LDAH: variants seen among roughly 807,000 people sequenced by gnomAD.
The protein encoded by LDAH is lipid droplet associated hydrolase.
Under a neutral mutation model 29.6 loss-of-function variants are expected in LDAH, and 26 were observed. The observed-to-expected ratio is 0.88, with a 90% CI of 0.64 to 1.22. The LOEUF is 1.22. LDAH is among the 50% of genes most tolerant of loss of function. LDAH has a pLI of 0.00. For missense variants in LDAH, 344 were observed against 387.3 expected (o/e 0.89, Z 0.94); for synonymous variants, 117 against 133.0 (o/e 0.88, Z 0.83).
chr2:20,766,559 C>A (rs1249800163), intron 4 of LDAH, among the ~76,000 whole-genome samples: 1 of 152,198 alleles, frequency 6.6e-6, no homozygotes, highest in South Asian at 2.1e-4. Flanking sequence ...AGAAACAAAC[C>A]TTTGTTGTTA....
intron 1 of LDAH, among the ~76,000 whole-genome samples, chr2:20,812,095 G>A (rs1400136811): frequency 6.6e-6 from 1 of 152,092 alleles, no homozygotes; most frequent in African/African-American, 2.4e-5. Flanking sequence ...TTTAGTGGGA[G>A]GAAAGGAAGC....
chr2:20,782,201 A>G (rs892371246), intron 3 of LDAH, among the ~76,000 whole-genome samples: 1 of 152,124 alleles, frequency 6.6e-6, no homozygotes, highest in African/African-American at 2.4e-5. Context: ...AGATCTACTA[A>G]ATCAACAACT....
At chr2:20,734,086 C>A (rs1558424209) in intron 5 of LDAH, among the ~76,000 whole-genome samples, 2 of 152,140 alleles carry the variant, frequency 1.3e-5, no homozygotes, top group South Asian at 2.1e-4. Context: ...TTTCTTTGCA[C>A]TGAAATCTAC....
chr2:20,688,842 T>G (rs940048843), intron 6 of LDAH, among the ~76,000 whole-genome samples: 3 of 150,260 alleles, frequency 2.0e-5, no homozygotes, highest in African/African-American at 7.3e-5. Context: ...TTTTTTTTTT[T>G]TTTTTTTTTT....
rs968366494 is a variant in LDAH at position 20,763,956 on chromosome 2, C to G, written c.468+10854G>C. On this transcript the variant is annotated intron_variant, in intron 4 of 6. Transcript: ENST00000237822. The stretch of plus-strand genomic sequence containing the variant: ...GAAATTTTCCATGCTTGGTTTCAGC[C>G]CAAAGGTGATTTTTTTTTTTTTGCA... Among the ~76,000 whole-genome samples the G allele has an allele frequency of 2.5e-5, 3 of 121,986 alleles. 1 individual carries two copies. Among genetic ancestry groups the G allele is most frequent in the African/African-American group, 8.5e-5 (3 of 35,292 alleles). 80.0% of individuals were successfully genotyped at this position (121,986 alleles called of 152,430 possible).
chr2:20,772,178 T>C (rs1302237678), intron 4 of LDAH, among the ~76,000 whole-genome samples: 2 of 152,176 alleles, frequency 1.3e-5, no homozygotes, highest in African/African-American at 2.4e-5. Context: ...ACACATCACA[T>C]GCAGAACAGA....
intron 5 of LDAH, among the ~76,000 whole-genome samples, chr2:20,731,489 A>G (rs1435872061): frequency 2.0e-5 from 3 of 151,250 alleles, no homozygotes; most frequent in Admixed American, 2.0e-4. Context: ...AGCCAATTAA[A>G]CCTCTTTTCT....
chr2:20,800,618 TTTTTTTA>T (rs1158045423), intron 2 of LDAH, among the ~76,000 whole-genome samples: 3 of 135,800 alleles, frequency 2.2e-5, no homozygotes, highest in Non-Finnish European at 3.2e-5. Flanking sequence ...TTAATTTTTA[TTTTTTTA>T]TTTTTTATTT....
chr2:20,715,445 G>A (rs931395262), intron 5 of LDAH, among the ~76,000 whole-genome samples: 3 of 152,166 alleles, frequency 2.0e-5, no homozygotes, highest in Non-Finnish European at 4.4e-5. Context: ...GCAAAAATTG[G>A]AAGCAATGCC....
chr2:20,752,268 T>A (rs1668022080), intron 4 of LDAH, among the ~76,000 whole-genome samples: 1 of 151,868 alleles, frequency 6.6e-6, no homozygotes. Context: ...TGGAAAAAAA[T>A]TCCACTGAAA....
intron 5 of LDAH, among the ~76,000 whole-genome samples, chr2:20,737,095 A>G (rs1666842521): frequency 1.3e-5 from 2 of 152,124 alleles, no homozygotes; most frequent in Non-Finnish European, 2.9e-5. Flanking sequence ...AGGACCTTTA[A>G]AAGTCTCTAC....
rs531262907 is a variant in LDAH, at chr2:20,801,643, G to A, written c.-2-178C>T. Among the ~76,000 whole-genome samples, 19 of 152,218 alleles carry A rather than the reference G, an allele frequency of 1.2e-4. No homozygotes were observed. In the South Asian group the frequency reaches 3.5e-3, roughly 28 times the overall value. On this transcript the variant is annotated intron_variant, in intron 1 of 6. Coordinates refer to ENST00000237822, the MANE Select transcript of LDAH (RefSeq NM_021925.4). ...GCTGGATTATACGATTGCAAGACACGTAAAACAAGCCACGAAAGTACTTAG... is the reference window on the plus strand; with the variant it reads ...GCTGGATTATACGATTGCAAGACACATAAAACAAGCCACGAAAGTACTTAG...
intron 1 of LDAH, among the ~76,000 whole-genome samples, chr2:20,809,170 T>C (rs1672297377): frequency 6.7e-6 from 1 of 149,710 alleles, no homozygotes; most frequent in South Asian, 2.1e-4. Flanking sequence ...GGCAGGTGGA[T>C]CACAAGGTCA....
intron 5 of LDAH, among the ~76,000 whole-genome samples, chr2:20,710,683 C>CATATATAT: frequency 7.0e-6 from 1 of 142,302 alleles, no homozygotes; most frequent in Admixed American, 7.0e-5. Context: ...CATATATATA[C>CATATATAT]ACATATATAT....
intron 1 of LDAH, among the ~76,000 whole-genome samples, chr2:20,816,380 A>G (rs575267282): frequency 6.6e-6 from 1 of 152,214 alleles, no homozygotes; most frequent in Admixed American, 6.5e-5. Context: ...CGTCTATAAG[A>G]AATTCACTAA....
intron 6 of LDAH, among the ~76,000 whole-genome samples, chr2:20,689,025 T>A (rs1662800666): frequency 6.6e-6 from 1 of 151,854 alleles, no homozygotes; most frequent in African/African-American, 2.4e-5. Context: ...TGTGTGATGT[T>A]CCCCTCCCTG....
At chr2:20,780,461 T>C (rs1272663708) in intron 3 of LDAH, among the ~76,000 whole-genome samples, 1 of 152,218 alleles carries the variant, frequency 6.6e-6, no homozygotes, top group East Asian at 1.9e-4. Flanking sequence ...AAGTGATATT[T>C]TGGAAACAGC....
chr2:20,804,251 G>C (rs938199417), intron 1 of LDAH, among the ~76,000 whole-genome samples: 6 of 152,212 alleles, frequency 3.9e-5, no homozygotes, highest in Non-Finnish European at 2.9e-5. Flanking sequence ...CTAGGTTGTA[G>C]TGAAATGGGA....
intron 2 of LDAH, among the ~76,000 whole-genome samples, 171 bp downstream of exon 2, chr2:20,801,139 A>C (rs1671634682): frequency 6.6e-6 from 1 of 152,130 alleles, no homozygotes; most frequent in Non-Finnish European, 1.5e-5. Flanking sequence ...ACATAGAAGA[A>C]AAACACAAAA....
Sources: gnomAD v4.1 joint callset for allele counts (sites outside exome capture counted in the v4.1 genomes callset) on GRCh38, gnomAD v4.1.1 for gene constraint, MANE v1.5 for transcripts, NCBI Gene and HGNC (gene_info 2026-07-23, HGNC 2026-07-21) for gene names.